DTNA: variants seen among roughly 807,000 people sequenced by gnomAD.
DTNA encodes dystrophin-related protein 3.
DTNA carries 43 observed loss-of-function variants against 100.7 expected under a neutral mutation model. The observed-to-expected ratio is 0.43, with a 90% CI of 0.33 to 0.55. The LOEUF (loss-of-function observed/expected upper bound fraction) is 0.55, where lower values mean the gene tolerates loss of function less well. Among genes scored for constraint, DTNA ranks in the 20% least tolerant of loss-of-function variants. The pLI, the probability that DTNA is intolerant of heterozygous loss-of-function variation, is 0.04. For missense variants in DTNA, 798 were observed against 953.9 expected, an observed-to-expected ratio of 0.84 and a Z score of 2.15; for synonymous variants, 349 against 347.9, an observed-to-expected ratio of 1.00 and a Z score of -0.04.
chr18:34,588,578 C>G (rs148191960), intron 1 of DTNA, among the ~76,000 whole-genome samples: 2 of 152,254 alleles, frequency 1.3e-5, no homozygotes, highest in Non-Finnish European at 2.9e-5. Flanking sequence ...CTCCTCTCCC[C>G]TATAAGCTCC....
At chr18:34,645,322 T>C (rs1415242244) in intron 1 of DTNA, among the ~76,000 whole-genome samples, 1 of 152,144 alleles carries the variant, frequency 6.6e-6, no homozygotes, top group Non-Finnish European at 1.5e-5. Flanking sequence ...ACTAGGGCAG[T>C]GTTACTTATT....
chr18:34,537,080 A>G (rs2043791069), intron 1 of DTNA, among the ~76,000 whole-genome samples: 1 of 152,002 alleles, frequency 6.6e-6, no homozygotes, highest in Admixed American at 6.6e-5. Context: ...GTGAAGTATC[A>G]GTACAACTTG....
intron 1 of DTNA, among the ~76,000 whole-genome samples, chr18:34,703,057 T>C (rs2081597765): frequency 6.6e-6 from 1 of 152,218 alleles, no homozygotes; most frequent in African/African-American, 2.4e-5. Flanking sequence ...AAATAGTCTT[T>C]ATGTTCATTC....
intron 6 of DTNA, 72 bp from the exon 7 acceptor site, chr18:34,815,837 A>G (rs1174822080): frequency 1.9e-5 from 24 of 1,284,944 alleles, no homozygotes; most frequent in Admixed American, 1.2e-4. Context: ...GTCTCAAATG[A>G]TATGATATTT....
chr18:34,563,634 C>T (rs115790640), intron 1 of DTNA, among the ~76,000 whole-genome samples: 2,517 of 152,280 alleles, frequency 0.017, 60 homozygotes, highest in African/African-American at 0.049. Flanking sequence ...TCCTCTTCTG[C>T]TATATCCACC....
intron 1 of DTNA, chr18:34,493,941 C>A (rs1211224517): frequency 6.8e-6 from 1 of 147,576 alleles, no homozygotes; most frequent in Non-Finnish European, 1.5e-5. Context: ...CCTCCCCGGG[C>A]GGCGGGCGGC....
intron 4 of DTNA, among the ~76,000 whole-genome samples, chr18:34,795,467 C>T (rs1165870629): frequency 6.6e-6 from 1 of 152,186 alleles, no homozygotes; most frequent in Non-Finnish European, 1.5e-5. Context: ...ATGTACAGCT[C>T]TAGCTTAATC....
In DTNA at chr18:34,667,406, A is replaced by G. The variant is rs1235520414; in HGVS notation, c.-1-88570A>G. 3.3e-5 allele frequency among the ~76,000 whole-genome samples: 5 copies of G among 152,214 alleles called. No homozygotes were observed. The East Asian group carries it at 9.7e-4, about 29-fold the overall frequency. On this transcript the variant is annotated intron_variant, in intron 1 of 19. Transcript: ENST00000283365. ...TGACTTCCTCTTTTCCTAATTGAAT[A>G]CCCTTTATTTCCTTCTCCTGCCTAA...
intron 1 of DTNA, among the ~76,000 whole-genome samples, chr18:34,687,134 T>A (rs2079017080): frequency 6.6e-6 from 1 of 152,190 alleles, no homozygotes; most frequent in Non-Finnish European, 1.5e-5. Context: ...TTCATGTCTC[T>A]ATCTCCTTCA....
chr18:34,626,086 G>A (rs1250139435), intron 1 of DTNA, among the ~76,000 whole-genome samples: 1 of 152,184 alleles, frequency 6.6e-6, no homozygotes, highest in Non-Finnish European at 1.5e-5. Context: ...TTAGGCTTGT[G>A]ATTATTGCTT....
upstream of DTNA, among the ~76,000 whole-genome samples, chr18:34,709,146 C>G (rs2082477647): frequency 6.6e-6 from 1 of 152,148 alleles, no homozygotes; most frequent in African/African-American, 2.4e-5. Flanking sequence ...CTTTCAGATG[C>G]CATCTTTATC....
At chr18:34,557,653 G>T (rs1383185152) in intron 1 of DTNA, among the ~76,000 whole-genome samples, 8 of 147,906 alleles carry the variant, frequency 5.4e-5, no homozygotes, top group South Asian at 2.1e-4. Flanking sequence ...TGCCCCTGCT[G>T]GGGGGGTGCC....
In DTNA at chr18:34,875,410, T is replaced by C; in HGVS notation, c.1903+12T>C. 2 of 1,614,110 alleles carry C rather than the reference T, an allele frequency of 1.2e-6. No homozygotes were observed. Among genetic ancestry groups the C allele is most frequent in the Non-Finnish European group, 1.7e-6 (2 of 1,180,044 alleles). ...GGCATTTGCACAAAGTAAGTGGCTT[T>C]ATTTTTTGTTGTGGTCTGCTTTTAT... is the stretch of plus-strand genomic sequence containing the variant. On this transcript the variant is annotated intron_variant, in intron 18 of 22. Transcript: ENST00000444659.
chr18:34,823,339 T>G (rs2095773839), intron 9 of DTNA, among the ~76,000 whole-genome samples: 1 of 152,230 alleles, frequency 6.6e-6, no homozygotes, highest in African/African-American at 2.4e-5. Context: ...AATAAGATTT[T>G]GATAAATTAG....
At chr18:34,716,621 G>T (rs1347819130) in intron 1 of DTNA, among the ~76,000 whole-genome samples, 7 of 152,132 alleles carry the variant, frequency 4.6e-5, no homozygotes, top group Non-Finnish European at 1.0e-4. Context: ...CTATATGCTG[G>T]TCTAACTGTT....
chr18:34,606,649 A>G (rs990015546), intron 1 of DTNA, among the ~76,000 whole-genome samples: 1 of 152,186 alleles, frequency 6.6e-6, no homozygotes, highest in Non-Finnish European at 1.5e-5. Flanking sequence ...AGACAGTATA[A>G]AGGTGCCCAG....
chr18:34,815,774 G>T, intron 6 of DTNA, 135 bp from the exon 7 acceptor site: 1 of 801,418 alleles, frequency 1.2e-6, no homozygotes, highest in South Asian at 1.5e-5. Context: ...AACACATTTG[G>T]CAAGTTCTGT....
At chr18:34,780,740 A>T (rs1318366855) in intron 3 of DTNA, among the ~76,000 whole-genome samples, 1 of 152,164 alleles carries the variant, frequency 6.6e-6, no homozygotes, top group Non-Finnish European at 1.5e-5. Flanking sequence ...TTTCCCCAGG[A>T]AGCAGACCTC....
At chr18:34,850,874 A>G (rs886887525) in intron 14 of DTNA, among the ~76,000 whole-genome samples, 1 of 152,204 alleles carries the variant, frequency 6.6e-6, no homozygotes, top group African/African-American at 2.4e-5. Context: ...TTATATGAGA[A>G]TGGAGAAAGC....
Sources: gnomAD v4.1 joint callset for allele counts (sites outside exome capture counted in the v4.1 genomes callset) on GRCh38, gnomAD v4.1.1 for gene constraint, MANE v1.5 for transcripts, NCBI Gene and HGNC (gene_info 2026-07-23, HGNC 2026-07-21) for gene names.